TSHR: variants seen among roughly 807,000 people sequenced by gnomAD.
TSHR encodes the protein thyroid stimulating hormone receptor.
Under a neutral mutation model 64.1 loss-of-function variants are expected in TSHR, and 51 were observed. The ratio of observed to expected loss-of-function variants is 0.80; its 90% confidence interval spans 0.64 to 1.01. TSHR has a LOEUF of 1.01. TSHR is among the 50% of genes least tolerant of loss of function. TSHR has a pLI of 0.00. For synonymous variants in TSHR, 361 were observed against 361.9 expected, an observed-to-expected ratio of 1.00 and a Z score of 0.03; for missense variants, 877 against 942.8, an observed-to-expected ratio of 0.93 and a Z score of 0.91.
intron 1 of TSHR, among the ~76,000 whole-genome samples, chr14:81,014,766 G>A (rs1890098822): frequency 6.6e-6 from 1 of 152,180 alleles, no homozygotes; most frequent in South Asian, 2.1e-4. Context: ...GTCATGGTGT[G>A]TTAGCAGAAC....
At chr14:80,977,197 T>G (rs932597661) in intron 1 of TSHR, among the ~76,000 whole-genome samples, 1 of 152,242 alleles carries the variant, frequency 6.6e-6, no homozygotes, top group Non-Finnish European at 1.5e-5. Context: ...ATCCTCCAGC[T>G]AGTAGTGCTG....
intron 8 of TSHR, among the ~76,000 whole-genome samples, chr14:81,137,322 G>T (rs1891494609): frequency 6.6e-6 from 1 of 152,154 alleles, no homozygotes; most frequent in African/African-American, 2.4e-5. Context: ...CCATCACTTA[G>T]AACATTAGGG....
At position 81,103,204 on chromosome 14, in the gene TSHR, G is replaced by A. The variant is rs1458145661; in HGVS notation, c.615-5171G>A. Reference sequence around the variant, plus strand: ...GTAATAATAAAATAGTATTCACATTGTGTTTTTAACATAGGGATGTTGCTT... The same window carrying A: ...GTAATAATAAAATAGTATTCACATTATGTTTTTAACATAGGGATGTTGCTT... On this transcript the variant is annotated intron_variant, in intron 7 of 9. Coordinates refer to ENST00000298171, the MANE Select transcript of TSHR (RefSeq NM_000369.5). This position sits in a 1 kb window ranked among gnomAD's most constrained non-coding sequence, Gnocchi z 4.1. 11 of 985,414 alleles carry A rather than the reference G, an allele frequency of 1.1e-5. No individual in the cohort carries two copies. Among genetic ancestry groups the A allele is most frequent in the Non-Finnish European group, 1.3e-5 (11 of 829,924 alleles). The allele number at this position is 985,414 out of a possible 1,614,324, so 61.0% of individuals were successfully genotyped here.
intron 8 of TSHR, among the ~76,000 whole-genome samples, chr14:81,138,252 G>C (rs183968549): frequency 1.4e-5 from 2 of 146,828 alleles, no homozygotes; most frequent in East Asian, 4.0e-4. Flanking sequence ...GTACAATGGC[G>C]TGGTCTCAGC....
intron 1 of TSHR, among the ~76,000 whole-genome samples, chr14:80,963,890 C>T (rs929026498): frequency 3.9e-5 from 6 of 152,254 alleles, no homozygotes; most frequent in Admixed American, 1.3e-4. Flanking sequence ...TGTCTTGAAC[C>T]CCATTACATC....
chr14:81,108,283 T>G lies in TSHR; in HGVS notation c.615-92T>G. On this transcript the variant is annotated intron_variant, in intron 7 of 9. Transcript: ENST00000298171. Reference sequence around the variant, plus strand: ...TTCTTGAAATCAGTCAATACTATGGTCACATTTTATTCTGATATTTGTACT... The same window carrying G: ...TTCTTGAAATCAGTCAATACTATGGGCACATTTTATTCTGATATTTGTACT... 4 of 1,081,494 alleles carry G rather than the reference T, an allele frequency of 3.7e-6. No individual in the cohort carries two copies. In the Admixed American group the frequency reaches 6.9e-5, roughly 19 times the overall value. 67.0% of individuals were successfully genotyped at this position (1,081,494 alleles called of 1,614,324 possible).
chr14:81,029,673 G>A (rs767101508), intron 1 of TSHR, among the ~76,000 whole-genome samples: 27 of 152,216 alleles, frequency 1.8e-4, no homozygotes, highest in Middle Eastern at 3.4e-3. Context: ...GCCATTCTGG[G>A]AAACTGTTCT....
At chr14:81,007,844 A>T (rs1245080497) in intron 1 of TSHR, among the ~76,000 whole-genome samples, 2 of 152,340 alleles carry the variant, frequency 1.3e-5, no homozygotes, top group East Asian at 3.9e-4. Context: ...GTGAGAGAGC[A>T]GGATCACTTA....
chr14:81,029,086 A>G (rs975789040), intron 1 of TSHR, among the ~76,000 whole-genome samples: 10 of 152,132 alleles, frequency 6.6e-5, no homozygotes, highest in Non-Finnish European at 1.2e-4. Context: ...CAAAACTGAC[A>G]TATGAAGAAA....
chr14:81,051,593 A>G (rs972816913), intron 1 of TSHR: 1 of 152,064 alleles, frequency 6.6e-6, no homozygotes, highest in African/African-American at 2.4e-5. Context: ...TTCTACTTTT[A>G]GTTTTTTAAA....
intron 1 of TSHR, among the ~76,000 whole-genome samples, chr14:80,969,583 CAGG>C (rs1005406378): frequency 1.2e-4 from 19 of 152,200 alleles, no homozygotes; most frequent in African/African-American, 4.3e-4. Flanking sequence ...TGGTCATTTA[CAGG>C]AGAAGTATCT....
rs763176272 is a variant in TSHR at position 81,132,583 on chromosome 14, G to T, written c.693-7096G>T. Among the ~76,000 whole-genome samples the T allele has an allele frequency of 6.6e-5, 10 of 152,170 alleles. No homozygotes were observed. The South Asian group carries it at 1.9e-3, about 28-fold the overall frequency. Reference sequence around the variant, plus strand: ...GTTACTTTCATTAGACACTTAACTCGAGATTATTCCCACGACCTAGGCAAT... The same window carrying T: ...GTTACTTTCATTAGACACTTAACTCTAGATTATTCCCACGACCTAGGCAAT... On this transcript the variant is annotated intron_variant, in intron 8 of 9. Coordinates refer to ENST00000298171, the MANE Select transcript of TSHR (RefSeq NM_000369.5).
intron 1 of TSHR, among the ~76,000 whole-genome samples, chr14:81,060,176 C>T (rs756024885): frequency 5.3e-5 from 8 of 152,174 alleles, no homozygotes; most frequent in Non-Finnish European, 7.4e-5. Flanking sequence ...ACAATCTTAC[C>T]GTAAGTATGC....
chr14:81,037,701 G>C (rs1284154243), intron 1 of TSHR, among the ~76,000 whole-genome samples: 1 of 150,828 alleles, frequency 6.6e-6, no homozygotes, highest in East Asian at 1.9e-4. Flanking sequence ...GCTATACTTA[G>C]ATAACAGATA....
intron 3 of TSHR, among the ~76,000 whole-genome samples, chr14:81,073,615 A>G (rs149578258): frequency 8.5e-5 from 13 of 152,314 alleles, no homozygotes; most frequent in African/African-American, 2.4e-4. Context: ...ACATTAGAAA[A>G]TAATTTTAAC....
intron 8 of TSHR, among the ~76,000 whole-genome samples, chr14:81,109,142 T>G (rs561544590): frequency 8.6e-4 from 131 of 152,184 alleles, no homozygotes; most frequent in Admixed American, 2.1e-3. Flanking sequence ...GGGCACAGTG[T>G]CTCACACCTG....
chr14:81,006,405 G>T (rs2139768680), intron 1 of TSHR, among the ~76,000 whole-genome samples: 1 of 152,216 alleles, frequency 6.6e-6, no homozygotes, highest in Non-Finnish European at 1.5e-5. Flanking sequence ...TTTTGTCTCT[G>T]TCCTGATCTC....
At chr14:81,128,961 C>T (rs1260730076) in intron 8 of TSHR, among the ~76,000 whole-genome samples, 4 of 152,138 alleles carry the variant, frequency 2.6e-5, no homozygotes, top group South Asian at 2.1e-4. Flanking sequence ...GGATATGCTC[C>T]GAGACCCACA....
At chr14:80,980,950 G>T (rs1319431052) in intron 1 of TSHR, among the ~76,000 whole-genome samples, 1 of 151,674 alleles carries the variant, frequency 6.6e-6, no homozygotes, top group African/African-American at 2.4e-5. Context: ...GTTCATTTTT[G>T]TGGTTTTGAT....
Sources: allele counts gnomAD v4.1 joint callset (sites outside exome capture counted in the v4.1 genomes callset), GRCh38; gene constraint gnomAD v4.1.1; non-coding constraint Gnocchi (gnomAD v3.1); transcripts MANE v1.5; gene names NCBI Gene and HGNC (gene_info 2026-07-23, HGNC 2026-07-21).